The following COP1 variants were observed in gnomAD, a reference collection of about 807,000 sequenced individuals.
COP1 encodes E3 ubiquitin-protein ligase COP1.
In COP1, 24 loss-of-function variants were observed where a neutral mutation model predicts 101.3. That is an observed-to-expected ratio of 0.24 (90% confidence interval 0.17 to 0.33). COP1 has a LOEUF of 0.33. COP1 is among the 10% of genes least tolerant of loss of function. The probability of loss-of-function intolerance (pLI) is 1.00; values close to 1 mark genes in which losing one functional copy is unlikely to be tolerated. For synonymous variants in COP1, 347 were observed against 341.9 expected (o/e 1.01, Z -0.17); for missense variants, 663 against 906.2 (o/e 0.73, Z 3.45).
At chr1:176,122,497 A>G (rs893363506) in intron 8 of COP1, among the ~76,000 whole-genome samples, 3 of 152,222 alleles carry the variant, frequency 2.0e-5, no homozygotes, top group Non-Finnish European at 2.9e-5. Flanking sequence ...GGTTAGTTCA[A>G]TAACAGAAGT....
intron 9 of COP1, among the ~76,000 whole-genome samples, chr1:176,098,724 AAAAT>A (rs1342067548): frequency 3.9e-5 from 6 of 152,240 alleles, no homozygotes; most frequent in African/African-American, 1.2e-4. Flanking sequence ...TCATTTTGGC[AAAAT>A]AAATAACTTA....
intron 12 of COP1, among the ~76,000 whole-genome samples, chr1:176,045,570 T>C (rs1671363839): frequency 6.8e-6 from 1 of 147,656 alleles, no homozygotes; most frequent in South Asian, 2.2e-4. Context: ...CTTGGGAAGC[T>C]TGTTTAGAAG....
At chr1:176,071,033 T>C (rs12404596) in intron 11 of COP1, among the ~76,000 whole-genome samples, 59,400 of 151,946 alleles carry the variant, frequency 0.39, 11,885 homozygotes, top group Admixed American at 0.44. Context: ...ATTCTAGATA[T>C]TGACTGACAG....
intron 18 of COP1, among the ~76,000 whole-genome samples, chr1:175,971,258 A>G (rs1412783407): frequency 6.6e-6 from 1 of 152,182 alleles, no homozygotes; most frequent in African/African-American, 2.4e-5. Context: ...CATATTCTCC[A>G]AAAACTCACT....
chr1:176,027,443 A>G (rs1166792172), intron 15 of COP1, 129 bp downstream of exon 15: 1 of 674,790 alleles, frequency 1.5e-6, no homozygotes. Flanking sequence ...GTATACTTCT[A>G]ATTTAGAGCC....
chr1:175,969,472 G>T (rs1005752039), intron 18 of COP1, among the ~76,000 whole-genome samples: 4 of 152,152 alleles, frequency 2.6e-5, no homozygotes, highest in Admixed American at 2.6e-4. Flanking sequence ...TATCTCTGGA[G>T]ACAGAGACAC....
intron 1 of COP1, among the ~76,000 whole-genome samples, chr1:176,202,636 T>C (rs1370400839): frequency 6.6e-6 from 1 of 151,410 alleles, no homozygotes; most frequent in Non-Finnish European, 1.5e-5. Context: ...AGTTTGAGAC[T>C]AGCCTGGGCA....
chr1:176,099,505 G>GTCTC (rs145354415), intron 9 of COP1, among the ~76,000 whole-genome samples: 1,619 of 143,880 alleles, frequency 0.011, 31 homozygotes, highest in South Asian at 0.077. Flanking sequence ...GAGCATATTT[G>GTCTC]TCTCTCTCTC....
intron 10 of COP1, among the ~76,000 whole-genome samples, chr1:176,082,455 T>C (rs1354654897): frequency 1.3e-5 from 2 of 152,210 alleles, no homozygotes; most frequent in African/African-American, 2.4e-5. Context: ...GATATTAGGT[T>C]ATCTTGAAAA....
intron 8 of COP1, among the ~76,000 whole-genome samples, chr1:176,117,721 C>T (rs994563879): frequency 2.6e-5 from 4 of 152,012 alleles, no homozygotes; most frequent in African/African-American, 9.7e-5. Context: ...ATGGTGAAAC[C>T]CTGTCTCTAC....
chr1:175,997,803 A>C (rs938078734), intron 15 of COP1, among the ~76,000 whole-genome samples: 1 of 152,124 alleles, frequency 6.6e-6, no homozygotes, highest in Non-Finnish European at 1.5e-5. Context: ...TGTTGGTGGG[A>C]CTGTAAACTA....
rs1015354504 is a variant in COP1, at chr1:175,996,076, T to C, written c.1730-6597A>G. ...GATCAAGTGGGCTTCATCCCTGGGA[T>C]GCAAGGCTGGTTCAAAACAGGCAAA... On this transcript the variant is annotated intron_variant, in intron 15 of 19. Coordinates refer to ENST00000367669, the MANE Select transcript of COP1 (RefSeq NM_022457.7). Among the ~76,000 whole-genome samples the C allele has an allele frequency of 2.5e-3, 387 of 152,300 alleles. 2 individuals carry two copies. Among genetic ancestry groups the C allele is most frequent in the African/African-American group, 8.9e-3 (369 of 41,544 alleles).
intron 18 of COP1, among the ~76,000 whole-genome samples, chr1:175,952,898 C>A (rs1650129266): frequency 6.6e-6 from 1 of 152,118 alleles, no homozygotes; most frequent in African/African-American, 2.4e-5. Flanking sequence ...GCTTGGGAAA[C>A]AAAGCAAGAC....
rs973706644 is a variant in COP1, at chr1:176,094,351, C to T, written c.1027-8461G>A. ...GCAACACTTGGGTCATCATCATATG[C>T]CAGTTTAATTATTAAATTATAAATA... is the stretch of plus-strand genomic sequence containing the variant. On this transcript the variant is annotated intron_variant, in intron 9 of 19. Coordinates refer to ENST00000367669, the MANE Select transcript of COP1 (RefSeq NM_022457.7). Among the ~76,000 whole-genome samples the T allele has an allele frequency of 1.1e-4, 17 of 151,396 alleles. No individual in the cohort carries two copies. In the East Asian group the frequency reaches 3.3e-3, roughly 29 times the overall value.
chr1:176,024,401 C>T (rs896292393), intron 15 of COP1, among the ~76,000 whole-genome samples: 5 of 152,082 alleles, frequency 3.3e-5, no homozygotes, highest in African/African-American at 1.2e-4. Context: ...TCAACCTCAA[C>T]AGAGGCAAAA....
chr1:176,052,436 C>T (rs1672733013), intron 11 of COP1, among the ~76,000 whole-genome samples: 1 of 152,172 alleles, frequency 6.6e-6, no homozygotes, highest in African/African-American at 2.4e-5. Flanking sequence ...CTTATCAAGA[C>T]TCCTACTCCT....
chr1:176,052,244 G>A (rs1255901912), intron 11 of COP1, among the ~76,000 whole-genome samples: 2 of 152,176 alleles, frequency 1.3e-5, no homozygotes, highest in Non-Finnish European at 2.9e-5. Context: ...TAGGTTTGCA[G>A]TCTAGGAGCA....
At chr1:175,970,091 G>T (rs1652938910) in intron 18 of COP1, among the ~76,000 whole-genome samples, 1 of 152,108 alleles carries the variant, frequency 6.6e-6, no homozygotes, top group Non-Finnish European at 1.5e-5. Flanking sequence ...GCTGGTGTTT[G>T]TATTTTTTTG....
chr1:176,178,350 A>T (rs1396574128), intron 2 of COP1, among the ~76,000 whole-genome samples: 2 of 75,362 alleles, frequency 2.7e-5, no homozygotes, highest in Non-Finnish European at 7.5e-5. Flanking sequence ...AAAAAAAAAA[A>T]ATAATAATAA....
Sources: allele counts gnomAD v4.1 joint callset (sites outside exome capture counted in the v4.1 genomes callset), GRCh38; gene constraint gnomAD v4.1.1; transcripts MANE v1.5; gene names NCBI Gene and HGNC (gene_info 2026-07-23, HGNC 2026-07-21).